Variants in VPS13B observed in about 807,000 individuals in gnomAD.
VPS13B encodes intermembrane lipid transfer protein VPS13B.
Under a neutral mutation model 426.4 loss-of-function variants are expected in VPS13B, and 285 were observed. The observed-to-expected ratio is 0.67, with a 90% CI of 0.61 to 0.74. VPS13B has a LOEUF of 0.74. Ranked by LOEUF, VPS13B falls within the 30% of genes least tolerant of loss-of-function variation. The probability of loss-of-function intolerance (pLI) is 0.00; values close to 1 mark genes in which losing one functional copy is unlikely to be tolerated. For missense variants in VPS13B, 4,537 were observed against 4,782.6 expected, an observed-to-expected ratio of 0.95 and a Z score of 1.51; for synonymous variants, 1,676 against 1,676.4, an observed-to-expected ratio of 1.00 and a Z score of 0.01.
chr8:99,061,067 T>C (rs1050477155), intron 3 of VPS13B, among the ~76,000 whole-genome samples: 1 of 152,144 alleles, frequency 6.6e-6, no homozygotes, highest in African/African-American at 2.4e-5. Flanking sequence ...GAACCTTAGT[T>C]TGAAACTTTG....
At position 99,511,579 on chromosome 8, in the gene VPS13B, G is replaced by T. The variant is rs564668928; in HGVS notation, c.4633+67G>T. 75 of 1,507,924 alleles carry T rather than the reference G, an allele frequency of 5.0e-5. No homozygotes were observed. The East Asian group carries it at 9.5e-4, about 19-fold the overall frequency. The allele number at this position is 1,507,924 out of a possible 1,614,324, so 93.4% of individuals were successfully genotyped here. A position where few individuals can be genotyped will look rare whatever the true frequency, so the allele number is the denominator to read the frequency against. The stretch of plus-strand genomic sequence containing the variant: ...TCTTCTAGAGACCTTAGTTTTCTGG[G>T]TTTTTTTGTTTCTTTTAAAAAATAT... On this transcript the variant is annotated intron_variant, in intron 29 of 61. Transcript: ENST00000357162.
At chr8:99,206,427 T>C (rs562863329) in intron 17 of VPS13B, among the ~76,000 whole-genome samples, 2 of 152,324 alleles carry the variant, frequency 1.3e-5, no homozygotes, top group South Asian at 2.1e-4. Flanking sequence ...AAAAATGAAA[T>C]TCAATAATAC....
At chr8:99,034,282 C>T (rs976960882) in intron 2 of VPS13B, among the ~76,000 whole-genome samples, 2 of 152,190 alleles carry the variant, frequency 1.3e-5, no homozygotes, top group South Asian at 2.1e-4. Context: ...CGCTGGGTTA[C>T]TATAACTTAG....
chr8:99,438,453 A>C (rs1361144712), intron 22 of VPS13B, among the ~76,000 whole-genome samples: 1 of 152,168 alleles, frequency 6.6e-6, no homozygotes, highest in Admixed American at 6.5e-5. Context: ...AATCCTTACA[A>C]ATTTTGCACA....
At chr8:99,166,385 A>G (rs575898217) in intron 15 of VPS13B, among the ~76,000 whole-genome samples, 1 of 152,334 alleles carries the variant, frequency 6.6e-6, no homozygotes, top group East Asian at 1.9e-4. Flanking sequence ...CATGTTGATT[A>G]TAAATGTTTA....
At chr8:99,088,604 A>T (rs1199917608) in intron 3 of VPS13B, among the ~76,000 whole-genome samples, 1 of 152,174 alleles carries the variant, frequency 6.6e-6, no homozygotes, top group African/African-American at 2.4e-5. Context: ...CTCATTATTT[A>T]ATTTCTAAAC....
At chr8:99,171,461 T>G (rs1812325517) in intron 16 of VPS13B, among the ~76,000 whole-genome samples, 1 of 152,024 alleles carries the variant, frequency 6.6e-6, no homozygotes, top group Non-Finnish European at 1.5e-5. Flanking sequence ...TATAGAAAAT[T>G]CTTAATTTCT....
chr8:99,832,743 C>G, intron 52 of VPS13B, 91 bp downstream of exon 52: 1 of 1,320,246 alleles, frequency 7.6e-7, no homozygotes, highest in Admixed American at 1.8e-5. Context: ...GGTCGCAGGG[C>G]TCCCCATATG....
At chr8:99,708,047 A>C (rs1832559926) in intron 36 of VPS13B, among the ~76,000 whole-genome samples, 2 of 152,204 alleles carry the variant, frequency 1.3e-5, no homozygotes, top group Non-Finnish European at 2.9e-5. Context: ...GTTTCCTCGC[A>C]TAATTCAATT....
At chr8:99,395,180 A>T (rs1814660072) in intron 21 of VPS13B, among the ~76,000 whole-genome samples, 1 of 152,202 alleles carries the variant, frequency 6.6e-6, no homozygotes, top group Non-Finnish European at 1.5e-5. Context: ...AGTCTTTCTG[A>T]GTTGTAGAGA....
chr8:99,508,346 G>A (rs1039430575), intron 28 of VPS13B, among the ~76,000 whole-genome samples: 2 of 152,024 alleles, frequency 1.3e-5, no homozygotes, highest in Non-Finnish European at 2.9e-5. Flanking sequence ...TTGCATTTCT[G>A]TCATTGATTA....
intron 37 of VPS13B, among the ~76,000 whole-genome samples, chr8:99,718,490 A>G (rs1005543032): frequency 1.3e-5 from 2 of 152,166 alleles, no homozygotes; most frequent in African/African-American, 4.8e-5. Context: ...GTGTGAAGGC[A>G]TCCAACTTAT....
intron 16 of VPS13B, among the ~76,000 whole-genome samples, chr8:99,183,567 A>G (rs1685726058): frequency 6.6e-6 from 1 of 152,176 alleles, no homozygotes; most frequent in South Asian, 2.1e-4. Flanking sequence ...TGTAGCATCG[A>G]ATAGTATCTA....
chr8:99,203,882 A>C (rs756518541), intron 17 of VPS13B, among the ~76,000 whole-genome samples: 1 of 152,232 alleles, frequency 6.6e-6, no homozygotes, highest in Non-Finnish European at 1.5e-5. Flanking sequence ...ATGGAAAAAC[A>C]TTCCATGCTC....
intron 32 of VPS13B, among the ~76,000 whole-genome samples, chr8:99,576,290 G>A (rs1429097552): frequency 3.9e-5 from 6 of 152,178 alleles, no homozygotes; most frequent in African/African-American, 1.4e-4. Flanking sequence ...TCAATTATTT[G>A]CAAGTTTTCA....
At chr8:99,464,297 A>G (rs3103724) in intron 23 of VPS13B, among the ~76,000 whole-genome samples, 26,481 of 152,140 alleles carry the variant, frequency 0.17, 2,824 homozygotes, top group East Asian at 0.38. Flanking sequence ...AGTATCTCCA[A>G]TATTGACCAG....
At chr8:99,501,066 T>C (rs1821206879) in intron 25 of VPS13B, among the ~76,000 whole-genome samples, 1 of 152,146 alleles carries the variant, frequency 6.6e-6, no homozygotes, top group South Asian at 2.1e-4. Flanking sequence ...AAAAAATCTA[T>C]TGTCAAATCT....
At chr8:99,233,834 A>G (rs1286500188) in intron 17 of VPS13B, 1 of 778,836 alleles carries the variant, frequency 1.3e-6, no homozygotes, top group Non-Finnish European at 2.4e-6. Flanking sequence ...CTCTTCGGCT[A>G]GTTTGGTCTC....
At chr8:99,364,707 A>G (rs766987163) in intron 19 of VPS13B, among the ~76,000 whole-genome samples, 16 of 152,334 alleles carry the variant, frequency 1.1e-4, no homozygotes, top group Non-Finnish European at 2.1e-4. Context: ...TGCTGGGATT[A>G]CAAGTGAGAG....
Sources: gnomAD v4.1 joint callset for allele counts (sites outside exome capture counted in the v4.1 genomes callset) on GRCh38, gnomAD v4.1.1 for gene constraint, MANE v1.5 for transcripts, NCBI Gene and HGNC (gene_info 2026-07-23, HGNC 2026-07-21) for gene names.